CDC5L: variants seen among roughly 807,000 people sequenced by gnomAD.
CDC5L encodes the protein cell division cycle 5-like protein.
CDC5L carries 18 observed loss-of-function variants against 104.1 expected under a neutral mutation model. The observed-to-expected ratio is 0.17, with a 90% CI of 0.12 to 0.26. The LOEUF is 0.26. CDC5L is among the 10% of genes least tolerant of loss of function. The pLI, the probability that CDC5L is intolerant of heterozygous loss-of-function variation, is 1.00. For missense variants in CDC5L, 673 were observed against 956.9 expected, an observed-to-expected ratio of 0.70 and a Z score of 3.91; for synonymous variants, 331 against 322.7, an observed-to-expected ratio of 1.03 and a Z score of -0.28.
rs778472193 is a variant in CDC5L at position 44,390,399 on chromosome 6, C to G, written c.149+28C>G. On this transcript the variant is annotated intron_variant, in intron 2 of 15. Coordinates refer to ENST00000371477, the MANE Select transcript of CDC5L (RefSeq NM_001253.4). ...ATGTATCAGTTTAATAAGTGGAAAA[C>G]AGAAAAGGAGCTTAATTATGATGAT... 3 of 1,350,998 alleles carry G rather than the reference C, an allele frequency of 2.2e-6. No homozygotes were observed. The East Asian group carries it at 7.0e-5, about 32-fold the overall frequency. 83.7% of individuals were successfully genotyped at this position (1,350,998 alleles called of 1,614,324 possible).
At chr6:44,430,866 C>T (rs933493832) in intron 14 of CDC5L, among the ~76,000 whole-genome samples, 4 of 152,114 alleles carry the variant, frequency 2.6e-5, no homozygotes, top group African/African-American at 7.2e-5. Context: ...CCACCATGCC[C>T]GGCTATGCCT....
At chr6:44,418,939 T>G (rs1792029748) in intron 8 of CDC5L, among the ~76,000 whole-genome samples, 2 of 151,866 alleles carry the variant, frequency 1.3e-5, no homozygotes, top group East Asian at 1.9e-4. Flanking sequence ...TTTCTCCCAT[T>G]TTGTAGGTTG....
Position 44,392,718 on chromosome 6 carries a change from A to G in CDC5L, c.201A>G (p.Glu67=). 6.2e-7 allele frequency: 1 copy of G among 1,614,144 alleles called. No homozygotes were observed. The highest frequency in any genetic ancestry group is 8.5e-7 in the Non-Finnish European group (1 of 1,180,002). ...SIKKTEWSRE[E]EEKLLHLAKL... ...AGAAGACAGAATGGTCCAGAGAAGAAGAGGAAAAACTCTTGCACTTGGCCA... is the reference window on the plus strand; with the variant it reads ...AGAAGACAGAATGGTCCAGAGAAGAGGAGGAAAAACTCTTGCACTTGGCCA... Residue 67 remains glutamate (E), a synonymous_variant, in exon 3 of 16, where the codon GAA becomes GAG. Coordinates refer to ENST00000371477, the MANE Select transcript of CDC5L (RefSeq NM_001253.4).
rs1793485709 is a variant in CDC5L, at chr6:44,447,197, G to C, written c.*486G>C. 1 of 152,122 alleles carries C rather than the reference G, an allele frequency of 6.6e-6. No individual in the cohort carries two copies. Among genetic ancestry groups the C allele is most frequent in the African/African-American group, 2.4e-5 (1 of 41,436 alleles). The allele number at this position is 152,122 out of a possible 1,614,324, so 9.4% of individuals were successfully genotyped here. ...TTAAGAGGCAGTTCTTTGTGGCTTT[G>C]TTAGTTTCAGCAAAGAGTGGTCATT... On this transcript the variant is annotated 3_prime_UTR_variant, in exon 16 of 16. Coordinates refer to ENST00000371477, the MANE Select transcript of CDC5L (RefSeq NM_001253.4).
intron 11 of CDC5L, among the ~76,000 whole-genome samples, chr6:44,425,341 A>G (rs369482980): frequency 1.3e-5 from 2 of 152,144 alleles, no homozygotes; most frequent in African/African-American, 4.8e-5. Context: ...TCAGAAATCC[A>G]AGATACTCTG....
At chr6:44,430,159 A>ACC (rs1349894496) in intron 14 of CDC5L, among the ~76,000 whole-genome samples, 1 of 151,494 alleles carries the variant, frequency 6.6e-6, no homozygotes, top group Non-Finnish European at 1.5e-5. Flanking sequence ...CTGCAAGTTG[A>ACC]CCAGAGGTCA....
rs1164175525 is a variant in CDC5L at position 44,447,488 on chromosome 6, A to G, written c.*777A>G. The G allele has an allele frequency of 2.6e-5, 4 of 152,192 alleles. No individual in the cohort carries two copies. The highest frequency in any genetic ancestry group is 6.5e-5 in the Admixed American group (1 of 15,280). The allele number at this position is 152,192 out of a possible 1,614,324, so 9.4% of individuals were successfully genotyped here. ...GTTACATCAGTGTAGAATTTGGGGA[A>G]TGGATAGAGGTGGAGATATTTAATT... On this transcript the variant is annotated 3_prime_UTR_variant, in exon 16 of 16. Transcript: ENST00000371477.
Position 44,418,535 on chromosome 6 carries a change from T to C in CDC5L, c.1093-914T>C, listed in dbSNP as rs1792005228. ...CCAGTAATGGGATGGCTGGGTCAAA[T>C]GGTATTTCTAGTTCTAGATCCCTGA... On this transcript the variant is annotated intron_variant, in intron 8 of 15. Coordinates refer to ENST00000371477, the MANE Select transcript of CDC5L (RefSeq NM_001253.4). 2.0e-5 allele frequency among the ~76,000 whole-genome samples: 3 copies of C among 152,212 alleles called. No homozygotes were observed. In the South Asian group the frequency reaches 6.2e-4, roughly 31 times the overall value.
At chr6:44,388,157 GCC>G (rs58276767) in intron 1 of CDC5L, among the ~76,000 whole-genome samples, 2 of 88,222 alleles carry the variant, frequency 2.3e-5, no homozygotes, top group South Asian at 1.2e-3. Flanking sequence ...CCGCCCCCCC[GCC>G]CCCCCCGGCC....
chr6:44,440,899 C>T lies in CDC5L; in HGVS notation c.2092-4756C>T, dbSNP rs550923373. ...ATTTTTGTATTTTTAATAGAGATGG[C>T]GTTTCACCATCTTGGCAAGGCTGGT... On this transcript the variant is annotated intron_variant, in intron 14 of 15. Transcript: ENST00000371477. 6.4e-4 allele frequency among the ~76,000 whole-genome samples: 97 copies of T among 151,856 alleles called. 1 individual carries two copies. In the South Asian group the frequency reaches 0.018, roughly 28 times the overall value.
Position 44,412,373 on chromosome 6 carries a change from C to T in CDC5L, c.1092+3741C>T, listed in dbSNP as rs116622516. 6.1e-3 allele frequency among the ~76,000 whole-genome samples: 927 copies of T among 151,356 alleles called. 11 individuals are homozygous for T. The highest frequency in any genetic ancestry group is 0.02 in the African/African-American group (835 of 41,160). On this transcript the variant is annotated intron_variant, in intron 8 of 15. Transcript: ENST00000371477. The stretch of plus-strand genomic sequence containing the variant: ...AGGCTGGAGTGCAGTGGCATGATCA[C>T]GGCCACTGTGCCCAGACAGTTTTTT...
intron 2 of CDC5L, among the ~76,000 whole-genome samples, chr6:44,392,269 A>G (rs1790657205): frequency 1.3e-5 from 2 of 152,252 alleles, no homozygotes; most frequent in Non-Finnish European, 2.9e-5. Context: ...GCTTAAAGAA[A>G]TAAGCCATGG....
At chr6:44,436,025 AC>A (rs1293620534) in intron 14 of CDC5L, among the ~76,000 whole-genome samples, 1 of 152,054 alleles carries the variant, frequency 6.6e-6, no homozygotes, top group Non-Finnish European at 1.5e-5. Context: ...TGATCCACCC[AC>A]CTTGGCCTCC....
chr6:44,447,409 T>C lies in CDC5L; in HGVS notation c.*698T>C, dbSNP rs1191223586. Reference sequence around the variant, plus strand: ...TTTTTTGACAAAGGCATTTTAAAAGTTAATTTCAAGAAGGCCATCAAACTT... The same window carrying C: ...TTTTTTGACAAAGGCATTTTAAAAGCTAATTTCAAGAAGGCCATCAAACTT... On this transcript the variant is annotated 3_prime_UTR_variant, in exon 16 of 16. Coordinates refer to ENST00000371477, the MANE Select transcript of CDC5L (RefSeq NM_001253.4). 6.6e-6 allele frequency: 1 copy of C among 152,228 alleles called. No individual in the cohort carries two copies. Among genetic ancestry groups the C allele is most frequent in the East Asian group, 1.9e-4 (1 of 5,208 alleles). The allele number at this position is 152,228 out of a possible 1,614,324, so 9.4% of individuals were successfully genotyped here.
intron 8 of CDC5L, among the ~76,000 whole-genome samples, chr6:44,413,796 G>A (rs1012390965): frequency 1.3e-5 from 2 of 152,052 alleles, no homozygotes; most frequent in African/African-American, 4.8e-5. Flanking sequence ...TGTCGCCCAG[G>A]CTGGTCTTGA....
Position 44,425,275 on chromosome 6 carries a change from T to C in CDC5L, c.1569+692T>C, listed in dbSNP as rs186204507. Among the ~76,000 whole-genome samples the C allele has an allele frequency of 2.9e-3, 435 of 152,244 alleles. 3 individuals carry two copies. The highest frequency in any genetic ancestry group is 3.9e-3 in the Non-Finnish European group (264 of 68,018). Reference sequence around the variant, plus strand: ...ACATGAAGCTCAAAAGAAATGCTCATTGAAGCTTTTTGGATTAGAGTTAGT... The same window carrying C: ...ACATGAAGCTCAAAAGAAATGCTCACTGAAGCTTTTTGGATTAGAGTTAGT... On this transcript the variant is annotated intron_variant, in intron 11 of 15. Coordinates refer to ENST00000371477, the MANE Select transcript of CDC5L (RefSeq NM_001253.4).
chr6:44,418,621 A>G (rs1008712506), intron 8 of CDC5L, among the ~76,000 whole-genome samples: 8 of 152,078 alleles, frequency 5.3e-5, no homozygotes, highest in African/African-American at 1.9e-4. Flanking sequence ...CAGCAGTGTA[A>G]AAGTGTTCCT....
At chr6:44,393,889 C>T (rs1398351536) in intron 4 of CDC5L, among the ~76,000 whole-genome samples, 1 of 152,164 alleles carries the variant, frequency 6.6e-6, no homozygotes, top group East Asian at 1.9e-4. Context: ...TGGTCTCAAA[C>T]TCCTGGGCTT....
chr6:44,423,982 C>T (rs1331299728), intron 10 of CDC5L, among the ~76,000 whole-genome samples: 2 of 151,992 alleles, frequency 1.3e-5, no homozygotes, highest in Admixed American at 1.3e-4. Flanking sequence ...TCAGTGATCA[C>T]AAGTGAAAGT....
Sources: allele counts gnomAD v4.1 joint callset (sites outside exome capture counted in the v4.1 genomes callset), GRCh38; gene constraint gnomAD v4.1.1; transcripts MANE v1.5; gene names NCBI Gene and HGNC (gene_info 2026-07-23, HGNC 2026-07-21).